Variants in PDXDC1 observed in about 807,000 individuals in gnomAD.
The protein encoded by PDXDC1 is pyridoxal dependent decarboxylase domain containing 1, also known as pyridoxal-dependent decarboxylase domain-containing protein 1.
In PDXDC1, 42 loss-of-function variants were observed where a neutral mutation model predicts 100.1. The ratio of observed to expected loss-of-function variants is 0.42; its 90% CI spans 0.33 to 0.54. The LOEUF is 0.54. PDXDC1 is among the 20% of genes least tolerant of loss of function. The probability of loss-of-function intolerance (pLI) is 0.10; values close to 1 mark genes in which losing one functional copy is unlikely to be tolerated. For missense variants in PDXDC1, 636 were observed against 979.2 expected (o/e 0.65, Z 4.68); for synonymous variants, 260 against 371.7 (o/e 0.70, Z 3.46).
intron 1 of PDXDC1, among the ~76,000 whole-genome samples, chr16:14,991,105 CAG>C (rs1378162348): frequency 2.6e-5 from 4 of 152,282 alleles, no homozygotes; most frequent in African/African-American, 7.2e-5. Flanking sequence ...ACTCCAGAGT[CAG>C]AGATTCACCT....
At chr16:15,144,285 C>T (rs1432100155), downstream of PDXDC1, among the ~76,000 whole-genome samples, 1 of 152,260 alleles carries the variant, frequency 6.6e-6, no homozygotes, top group Non-Finnish European at 1.5e-5. Flanking sequence ...CTGTTTCCCT[C>T]TGCGCTGTGC....
intron 16 of PDXDC1, chr16:15,071,111 G>A (rs768134279): frequency 4.4e-6 from 7 of 1,594,930 alleles, no homozygotes; most frequent in Middle Eastern, 2.3e-4. Flanking sequence ...CGGAAAATTA[G>A]GCTACTTACA....
In PDXDC1 at chr16:15,031,824, G is replaced by A. The variant is rs1272814108; in HGVS notation, c.1489G>A (p.Glu497Lys). Residue 497 changes from glutamate to lysine, a missense_variant, in exon 17 of 23, where the codon GAA becomes AAA. By Grantham distance (56) the Glu-to-Lys change is moderately conservative (BLOSUM62 1). This residue lies in a region of PDXDC1 where 452 missense variants were observed against 402.9 expected (regional missense o/e 1.12). Coordinates refer to ENST00000396410, the MANE Select transcript of PDXDC1 (RefSeq NM_015027.4). Reference sequence around the variant, plus strand: ...GCTGTGCTGTACGCTCCAGTTGCGTGAAGAGTTCAAGCAGGAAGTGGAAGC... The same window carrying A: ...GCTGTGCTGTACGCTCCAGTTGCGTAAAGAGTTCAAGCAGGAAGTGGAAGC... ...PVLCCTLQLR[E>K]EFKQEVEATA... 1 of 1,614,064 alleles carries A rather than the reference G, an allele frequency of 6.2e-7. No homozygotes were observed. The highest frequency in any genetic ancestry group is 1.3e-5 in the African/African-American group (1 of 75,026).
intron 16 of PDXDC1, chr16:15,122,022 C>G (rs1033097310): frequency 1.1e-5 from 3 of 284,284 alleles, no homozygotes; most frequent in South Asian, 3.0e-5. Flanking sequence ...ACTAAAAATA[C>G]AAAAATTAGC....
chr16:15,126,063 C>T, intron 16 of PDXDC1: 1 of 536,578 alleles, frequency 1.9e-6, no homozygotes, highest in South Asian at 2.0e-5. Context: ...TAGATGGAGT[C>T]TCGCTCTGTC....
rs773542253 is a variant in PDXDC1 at position 15,036,286 on chromosome 16, G to T, written c.*11G>T. 4 of 1,610,872 alleles carry T rather than the reference G, an allele frequency of 2.5e-6. No homozygotes were observed. The highest frequency in any genetic ancestry group is 3.4e-6 in the Non-Finnish European group (4 of 1,177,558). ...GAGAGCTTAAGATGAGACTCATTGT[G>T]TGGTTTGAGACTGTACTGAGTATTG... On this transcript the variant is annotated 3_prime_UTR_variant, in exon 23 of 23. Transcript: ENST00000396410.
At chr16:15,044,482 A>G (rs1341551779) in intron 16 of PDXDC1, 4 of 964,488 alleles carry the variant, frequency 4.1e-6, no homozygotes, top group African/African-American at 1.6e-5. Flanking sequence ...TTGAACTTTC[A>G]TTCTCAGTTT....
chr16:15,111,209 C>G (rs1167006831), intron 16 of PDXDC1, among the ~76,000 whole-genome samples: 7 of 148,610 alleles, frequency 4.7e-5, no homozygotes, highest in African/African-American at 1.5e-4. Context: ...GTAATCCCAG[C>G]ACTTTGGGAG....
chr16:15,061,746 A>C (rs758762951), intron 16 of PDXDC1: 2 of 1,606,440 alleles, frequency 1.2e-6, no homozygotes, highest in East Asian at 4.5e-5. Context: ...TTCTGCCGTC[A>C]GAGGGGACTG....
Position 15,080,099 on chromosome 16 carries a change from A to G in PDXDC1, c.1399+50043A>G, listed in dbSNP as rs760835252. On this transcript the variant is annotated intron_variant, in intron 16 of 16. Coordinates refer to the PDXDC1 transcript ENST00000535621. The stretch of plus-strand genomic sequence containing the variant: ...AGTAAGTTATGAACGTAACATTCCT[A>G]AAGGAGAAAATGTAAGATAAAACAT... 9 of 1,592,994 alleles carry G rather than the reference A, an allele frequency of 5.6e-6. 1 individual carries two copies. In the Admixed American group the frequency reaches 1.6e-4, roughly 28 times the overall value.
At chr16:15,145,848 C>A in the PDXDC1 span, among the ~76,000 whole-genome samples, 2 of 152,244 alleles carry the variant, frequency 1.3e-5, no homozygotes, top group Non-Finnish European at 2.9e-5. Flanking sequence ...CAGGCCCAGA[C>A]GGCAGCGGGC....
chr16:15,038,799 T>G, downstream of PDXDC1: 1 of 614,428 alleles, frequency 1.6e-6, no homozygotes, highest in East Asian at 2.8e-5. Flanking sequence ...TGCCTAAGCT[T>G]CTTAAAACCT....
chr16:15,067,142 C>T (rs2045014818), intron 16 of PDXDC1, among the ~76,000 whole-genome samples: 1 of 151,190 alleles, frequency 6.6e-6, no homozygotes, highest in South Asian at 2.1e-4. Flanking sequence ...GAAGAGAGGA[C>T]ACCTTGAACC....
chr16:15,125,810 G>C (rs772205717), intron 16 of PDXDC1: 1 of 1,190,926 alleles, frequency 8.4e-7, no homozygotes, highest in African/African-American at 1.4e-5. Context: ...CCAGCCACCT[G>C]CAGGACGACA....
chr16:15,111,013 G>A (rs569213081), intron 16 of PDXDC1, among the ~76,000 whole-genome samples: 25 of 148,228 alleles, frequency 1.7e-4, no homozygotes, highest in African/African-American at 5.6e-4. Flanking sequence ...CCTGTAATCC[G>A]AGCTACTCGG....
intron 16 of PDXDC1, among the ~76,000 whole-genome samples, chr16:15,062,769 T>C (rs1212417741): frequency 2.0e-5 from 3 of 152,248 alleles, no homozygotes; most frequent in Non-Finnish European, 4.4e-5. Context: ...GTGTCTGGTT[T>C]AAGCAATTTA....
At chr16:15,077,606 C>A (rs975933034) in intron 16 of PDXDC1, among the ~76,000 whole-genome samples, 1 of 152,152 alleles carries the variant, frequency 6.6e-6, no homozygotes, top group Admixed American at 6.5e-5. Context: ...CTTTGGGAGG[C>A]CGAGGTGGAC....
intron 16 of PDXDC1, among the ~76,000 whole-genome samples, chr16:15,055,532 G>T (rs1343420839): frequency 6.6e-6 from 1 of 152,240 alleles, no homozygotes; most frequent in Non-Finnish European, 1.5e-5. Context: ...CCCCGAAGGC[G>T]GGCGGCCGGA....
intron 16 of PDXDC1, among the ~76,000 whole-genome samples, chr16:15,031,330 C>G (rs1034333905): frequency 6.6e-6 from 1 of 152,102 alleles, no homozygotes; most frequent in Non-Finnish European, 1.5e-5. Flanking sequence ...ATCTCCCTGT[C>G]CTTCCTGTGT....
Sources: gnomAD v4.1 joint callset for allele counts (sites outside exome capture counted in the v4.1 genomes callset) on GRCh38, gnomAD v4.1.1 for gene constraint, gnomAD v4.1.1 regional missense constraint, MANE v1.5 for transcripts, NCBI Gene and HGNC (gene_info 2026-07-23, HGNC 2026-07-21) for gene names.